ZNF483: variants seen among roughly 807,000 people sequenced by gnomAD.
The protein encoded by ZNF483 is zinc finger protein HIT-10.
In ZNF483, 9 loss-of-function variants were observed where a neutral mutation model predicts 28.6. The observed-to-expected ratio is 0.32, with a 90% confidence interval of 0.19 to 0.55. ZNF483 has a LOEUF of 0.55. ZNF483 is among the 20% of genes least tolerant of loss of function. The pLI is 0.93. For missense variants in ZNF483, 675 were observed against 871.7 expected (o/e 0.77, Z 2.84); for synonymous variants, 322 against 306.2 (o/e 1.05, Z -0.54).
intron 5 of ZNF483, among the ~76,000 whole-genome samples, chr9:111,570,363 C>G (rs916416981): frequency 1.3e-5 from 2 of 152,162 alleles, no homozygotes; most frequent in Non-Finnish European, 2.9e-5. Flanking sequence ...CACGGGACTG[C>G]TGGCCAATCA....
chr9:111,539,729 C>A (rs887798447), intron 5 of ZNF483: 59 of 172,448 alleles, frequency 3.4e-4, no homozygotes, highest in Admixed American at 6.2e-4. Flanking sequence ...CACATTGCAT[C>A]CAGCCTGGGC....
intron 5 of ZNF483, among the ~76,000 whole-genome samples, chr9:111,568,030 T>C (rs1474272685): frequency 1.3e-5 from 2 of 152,214 alleles, no homozygotes; most frequent in African/African-American, 4.8e-5. Context: ...ACTGTACAAA[T>C]TGATTGTAAA....
rs148383958 is a variant in ZNF483 at position 111,544,835 on chromosome 9, A to G, written c.*1665A>G. ...CTGAAAAAGGAACTTAAGGCCCTGAATGAGTGAGGTTTTGGCTTCAGGTCA... is the reference window on the plus strand; with the variant it reads ...CTGAAAAAGGAACTTAAGGCCCTGAGTGAGTGAGGTTTTGGCTTCAGGTCA... On this transcript the variant is annotated 3_prime_UTR_variant, in exon 6 of 6. Transcript: ENST00000309235. Among the ~76,000 whole-genome samples the G allele has an allele frequency of 2.0e-5, 3 of 152,328 alleles. No homozygotes were observed. The East Asian group carries it at 5.8e-4, about 29-fold the overall frequency.
At chr9:111,535,015 G>A (rs961614808) in intron 5 of ZNF483, among the ~76,000 whole-genome samples, 8 of 152,120 alleles carry the variant, frequency 5.3e-5, no homozygotes, top group Non-Finnish European at 1.0e-4. Context: ...GAGCCACCAC[G>A]CCCGGCTGCA....
At chr9:111,559,532 C>T (rs1365398630), downstream of ZNF483, among the ~76,000 whole-genome samples, 3 of 152,068 alleles carry the variant, frequency 2.0e-5, no homozygotes, top group Non-Finnish European at 2.9e-5. Flanking sequence ...CAACTCCCCT[C>T]ATCAGGCCAC....
intron 3 of ZNF483, among the ~76,000 whole-genome samples, chr9:111,533,379 C>G (rs1564592776): frequency 6.6e-6 from 1 of 152,176 alleles, no homozygotes; most frequent in Non-Finnish European, 1.5e-5. Flanking sequence ...GCTATCCAAA[C>G]CATTCTTTAT....
At chr9:111,557,983 C>G (rs1360606336), downstream of ZNF483, among the ~76,000 whole-genome samples, 1 of 152,062 alleles carries the variant, frequency 6.6e-6, no homozygotes, top group African/African-American at 2.4e-5. Flanking sequence ...TCTGTCTCTA[C>G]TAAAAATACA....
chr9:111,528,052 C>T (rs1015394803), intron 2 of ZNF483: 32 of 1,420,950 alleles, frequency 2.3e-5, no homozygotes, highest in African/African-American at 2.9e-5. Flanking sequence ...AAAGGTGAGA[C>T]AAGATAGGAT....
At chr9:111,533,908 T>A (rs758601734) in intron 4 of ZNF483, 43 bp downstream of exon 4, 1 of 1,573,396 alleles carries the variant, frequency 6.4e-7, no homozygotes, top group Non-Finnish European at 8.6e-7. Flanking sequence ...TAACCTTGGG[T>A]CTCTTTTTGT....
At chr9:111,530,800 T>TATATATATATAC (rs1388084545) in intron 2 of ZNF483, 75 bp from the exon 3 acceptor site, 1 of 56,448 alleles carries the variant, frequency 1.8e-5, no homozygotes, top group African/African-American at 8.3e-5. Context: ...TATATATATA[T>TATATATATATAC]ACATATATAT....
intron 1 of ZNF483, among the ~76,000 whole-genome samples, chr9:111,525,709 C>G (rs1827169959): frequency 1.3e-5 from 2 of 152,080 alleles, no homozygotes; most frequent in Non-Finnish European, 2.9e-5. Context: ...GTCACATTTT[C>G]ACCGGGCCTC....
At chr9:111,539,308 A>G (rs1251620567) in intron 5 of ZNF483, 3 of 355,588 alleles carry the variant, frequency 8.4e-6, no homozygotes, top group Non-Finnish European at 1.7e-5. Context: ...TTTATTACGC[A>G]TTAAATTTGC....
At chr9:111,540,313 C>G (rs1330301109) in intron 5 of ZNF483, among the ~76,000 whole-genome samples, 1 of 151,976 alleles carries the variant, frequency 6.6e-6, no homozygotes, top group East Asian at 1.9e-4. Flanking sequence ...TAGTTAACTT[C>G]TAGGTAATAT....
At chr9:111,561,610 G>A (rs1200796560) in intron 5 of ZNF483, among the ~76,000 whole-genome samples, 1 of 152,098 alleles carries the variant, frequency 6.6e-6, no homozygotes, top group Non-Finnish European at 1.5e-5. Flanking sequence ...GCACATTTTT[G>A]TAGATGTATA....
Position 111,530,808 on chromosome 9 carries a change from TATATATAA to T in ZNF483, c.413-66_413-59del, listed in dbSNP as rs1398115671. 594 of 140,346 alleles carry T rather than the reference TATATATAA, an allele frequency of 4.2e-3. 19 individuals carry two copies. The highest frequency in any genetic ancestry group is 7.3e-3 in the East Asian group (41 of 5,588). 8.7% of individuals were successfully genotyped at this position (140,346 alleles called of 1,614,324 possible). On this transcript the variant is annotated intron_variant, in intron 2 of 5. Coordinates refer to ENST00000309235, the MANE Select transcript of ZNF483 (RefSeq NM_133464.5). ...ATATATATATATATATATACATATATATATATAAGATTTTTAGTCTGAGGAATCTGTAT... is the reference window on the plus strand; with the variant it reads ...ATATATATATATATATATACATATATGATTTTTAGTCTGAGGAATCTGTAT...
In ZNF483 at chr9:111,550,875, T is replaced by C. The variant is rs113827088; in HGVS notation, c.*7705T>C. The stretch of plus-strand genomic sequence containing the variant: ...TTAATTATAGTGTCTTTCTGTGTTA[T>C]TCTGCTCCCTGCATTATCCCTGTTT... On this transcript the variant is annotated 3_prime_UTR_variant, in exon 6 of 6. Transcript: ENST00000309235. Among the ~76,000 whole-genome samples the C allele has an allele frequency of 4.2e-3, 635 of 152,364 alleles. 6 individuals carry two copies. The highest frequency in any genetic ancestry group is 0.015 in the African/African-American group (610 of 41,578).
At chr9:111,573,311 C>T (rs1828912259) in intron 5 of ZNF483, among the ~76,000 whole-genome samples, 1 of 152,150 alleles carries the variant, frequency 6.6e-6, no homozygotes, top group Non-Finnish European at 1.5e-5. Context: ...AATAAGATTG[C>T]CAAGTAAATC....
At chr9:111,564,300 T>C in intron 5 of ZNF483, 1 of 627,454 alleles carries the variant, frequency 1.6e-6, no homozygotes, top group Non-Finnish European at 2.1e-6. Flanking sequence ...TTATTATTAT[T>C]ATTATTATTA....
intron 5 of ZNF483, chr9:111,562,801 A>G (rs1049528594): frequency 8.1e-6 from 3 of 369,520 alleles, no homozygotes; most frequent in Non-Finnish European, 1.3e-5. Context: ...CCCTATGTCC[A>G]TGTGTTCTCA....
Sources: allele counts gnomAD v4.1 joint callset (sites outside exome capture counted in the v4.1 genomes callset), GRCh38; gene constraint gnomAD v4.1.1; transcripts MANE v1.5; gene names NCBI Gene and HGNC (gene_info 2026-07-23, HGNC 2026-07-21).